The following KIF26A variants were observed in gnomAD, a reference collection of about 807,000 sequenced individuals.
KIF26A encodes kinesin family member 26A.
A neutral mutation model predicts 126.0 loss-of-function variants in KIF26A; 74 were observed. The observed-to-expected ratio is 0.59, with a 90% CI of 0.49 to 0.71. The LOEUF (loss-of-function observed/expected upper bound fraction) is 0.71. KIF26A is among the 30% of genes least tolerant of loss of function. KIF26A has a pLI of 0.00. For missense variants in KIF26A, 2,984 were observed against 2,763.3 expected, an observed-to-expected ratio of 1.08 and a Z score of -1.79; for synonymous variants, 1,445 against 1,232.7, an observed-to-expected ratio of 1.17 and a Z score of -3.61.
rs536806165 is a variant in KIF26A, at chr14:104,176,671, C to T, written c.3883C>T (p.Arg1295Cys). The change falls in exon 12 of 15, where the codon CGC becomes TGC. Residue 1295 changes from arginine to cysteine, a missense_variant. Coordinates refer to ENST00000423312, the MANE Select transcript of KIF26A (RefSeq NM_015656.2). Reference sequence around the variant, plus strand: ...GTGTGAGGTGGCAGCCAGGGCGGCCCGCAGGCCAGAGGCTGTGGCTCGGAT... The same window carrying T: ...GTGTGAGGTGGCAGCCAGGGCGGCCTGCAGGCCAGAGGCTGTGGCTCGGAT... The part of the protein sequence containing the change: ...DGCEVAARAA[R>C]RPEAVARIPP... 104 of 1,598,018 alleles carry T rather than the reference C, an allele frequency of 6.5e-5. No homozygotes were observed. In the South Asian group the frequency reaches 9.7e-4, roughly 15 times the overall value.
At chr14:104,149,322 C>T (rs980482702) in intron 2 of KIF26A, among the ~76,000 whole-genome samples, 4 of 152,122 alleles carry the variant, frequency 2.6e-5, no homozygotes, top group Admixed American at 6.5e-5. Context: ...GGGAGGGGTG[C>T]GTGGCCCACT....
Position 104,179,801 on chromosome 14 carries a change from C to CG in KIF26A, c.*13dup. ...GAGGTGGACGTCTGAGGCTGGGCGCCGGACAAGAGGAGGGGGCGTGCAGCG... is the reference window on the plus strand; with the variant it reads ...GAGGTGGACGTCTGAGGCTGGGCGCCGGGACAAGAGGAGGGGGCGTGCAGCG... On this transcript the variant is annotated 3_prime_UTR_variant, in exon 15 of 15. Transcript: ENST00000423312. 1 of 1,514,918 alleles carries CG rather than the reference C, an allele frequency of 6.6e-7. No homozygotes were observed. The highest frequency in any genetic ancestry group is 1.3e-5 in the South Asian group (1 of 78,930). The allele number at this position is 1,514,918 out of a possible 1,614,324, so 93.8% of individuals were successfully genotyped here. A position where few individuals can be genotyped will look rare whatever the true frequency, so the allele number is the denominator to read the frequency against.
intron 4 of KIF26A, among the ~76,000 whole-genome samples, chr14:104,162,716 C>CCTCT (rs2141104629): frequency 6.6e-6 from 1 of 152,130 alleles, no homozygotes; most frequent in East Asian, 1.9e-4. Flanking sequence ...GTGGGCGTGA[C>CCTCT]CTCTCCCCAT....
chr14:104,143,947 C>G (rs1596131374), intron 2 of KIF26A, among the ~76,000 whole-genome samples: 1 of 152,362 alleles, frequency 6.6e-6, no homozygotes, highest in East Asian at 1.9e-4. Flanking sequence ...CCAGGAAGGG[C>G]TCTGCTCGGG....
In KIF26A at chr14:104,152,150, C is replaced by G; in HGVS notation, c.424C>G (p.Leu142Val). 1 of 1,610,502 alleles carries G rather than the reference C, an allele frequency of 6.2e-7. No homozygotes were observed. Among genetic ancestry groups the G allele is most frequent in the Non-Finnish European group, 8.5e-7 (1 of 1,179,318 alleles). The change falls in exon 3 of 15, where the codon CTG (leucine) becomes GTG (valine). Residue 142 changes from leucine to valine, a missense_variant. Transcript: ENST00000423312. The surrounding 1 kb of genome is among the most constrained non-coding windows in gnomAD (Gnocchi z 5.9). The stretch of plus-strand genomic sequence containing the variant: ...GCAGCTCACACGGGAGGCCATGCAC[C>G]TGCTGCAGGCCCCTGCCAGCCATGA... The part of the protein sequence containing the change: ...LQQLTREAMH[L>V]LQAPASHEDL...
At position 104,152,153 on chromosome 14, in the gene KIF26A, C is replaced by T. The variant is rs2037735473; in HGVS notation, c.427C>T (p.Leu143=). 1.9e-6 allele frequency: 3 copies of T among 1,609,748 alleles called. No individual in the cohort carries two copies. Among genetic ancestry groups the T allele is most frequent in the Non-Finnish European group, 2.5e-6 (3 of 1,179,156 alleles). Residue 143 remains leucine (L), a synonymous_variant, in exon 3 of 15, where the codon CTG becomes TTG. Transcript: ENST00000423312. This position sits in a 1 kb window ranked among gnomAD's most constrained non-coding sequence, Gnocchi z 5.9. ...QQLTREAMHL[L]QAPASHEDLD... is the part of the protein sequence containing the mutation. Reference sequence around the variant, plus strand: ...GCTCACACGGGAGGCCATGCACCTGCTGCAGGCCCCTGCCAGCCATGAGGA... The same window carrying T: ...GCTCACACGGGAGGCCATGCACCTGTTGCAGGCCCCTGCCAGCCATGAGGA...
Position 104,173,186 on chromosome 14 carries a change from G to A in KIF26A, c.1630G>A (p.Asp544Asn), listed in dbSNP as rs766222885. The A allele has an allele frequency of 3.4e-5, 54 of 1,611,622 alleles. No individual in the cohort carries two copies. Among genetic ancestry groups the A allele is most frequent in the Non-Finnish European group, 4.2e-5 (49 of 1,179,472 alleles). ...LAEVAPGSLQ[D>N]TQSPGVYLRE... ...CGAGGTGGCCCCTGGCAGCCTCCAG[G>A]ACACCCAGTCTCCGGGAGTGTACCT... is the stretch of plus-strand genomic sequence containing the variant. The change falls in exon 8 of 15, where the codon GAC becomes AAC. Residue 544 changes from aspartate to asparagine, a missense_variant. Coordinates refer to ENST00000423312, the MANE Select transcript of KIF26A (RefSeq NM_015656.2).
rs1458090730 is a variant in KIF26A, at chr14:104,148,833, C to T, written c.289-3182C>T. 3.3e-5 allele frequency among the ~76,000 whole-genome samples: 5 copies of T among 152,176 alleles called. No homozygotes were observed. Among genetic ancestry groups the T allele is most frequent in the South Asian group, 4.1e-4 (2 of 4,832 alleles). On this transcript the variant is annotated intron_variant, in intron 2 of 14. Transcript: ENST00000423312. The surrounding 1 kb of genome is among the most constrained non-coding windows in gnomAD (Gnocchi z 4.3). ...CCCTGGGAGCCACCCATGTCAGCAG[C>T]GGCCTCCCTGAGCCCCTCCCTGGAG...
intron 2 of KIF26A, among the ~76,000 whole-genome samples, chr14:104,144,853 C>T (rs1350288087): frequency 4.6e-5 from 7 of 152,246 alleles, no homozygotes; most frequent in Non-Finnish European, 8.8e-5. Flanking sequence ...TAAAAGTGGA[C>T]TGACCGTGCC....
At position 104,166,981 on chromosome 14, in the gene KIF26A, C is replaced by G. The variant is rs1342359223; in HGVS notation, c.1046C>G (p.Pro349Arg). ...AGCGGGGTCCTGCAGCTGTGGCCGC[C>G]CCCGGCGCCCCCCTGCCTGCTCAGG... ...DFSGVLQLWP[P>R]PAPPCLLRAA... Residue 349 changes from proline (P) to arginine (R), a missense_variant, in exon 5 of 15, where the codon CCC (proline) becomes CGC (arginine). Pro to Arg is a moderately radical substitution (Grantham distance 103). Transcript: ENST00000423312. The G allele has an allele frequency of 6.3e-7, 1 of 1,583,588 alleles. No individual in the cohort carries two copies. Among genetic ancestry groups the G allele is most frequent in the Admixed American group, 1.8e-5 (1 of 55,906 alleles).
At chr14:104,162,136 C>T (rs1342038918) in intron 4 of KIF26A, among the ~76,000 whole-genome samples, 2 of 152,242 alleles carry the variant, frequency 1.3e-5, no homozygotes, top group Admixed American at 6.5e-5. Flanking sequence ...CTCGTTAATG[C>T]AGTGGCAGGT....
At chr14:104,142,886 C>T (rs1278319726) in intron 2 of KIF26A, among the ~76,000 whole-genome samples, 4 of 152,210 alleles carry the variant, frequency 2.6e-5, no homozygotes, top group East Asian at 1.9e-4. Context: ...TGGTCACCCC[C>T]GGGACTGCTG....
In KIF26A at chr14:104,175,797, T is replaced by C. The variant is rs1455809378; in HGVS notation, c.3009T>C (p.Ala1003=). Residue 1003 remains alanine, a synonymous_variant, in exon 12 of 15, where the codon GCT becomes GCC. Transcript: ENST00000423312. The part of the protein sequence containing the change: ...MLPGATCPRL[A]AGSRCPERGL... ...CTGGGGCCACCTGCCCCCGCCTGGCTGCTGGCAGTCGCTGTCCGGAGCGGG... is the reference window on the plus strand; with the variant it reads ...CTGGGGCCACCTGCCCCCGCCTGGCCGCTGGCAGTCGCTGTCCGGAGCGGG... 6.5e-7 allele frequency: 1 copy of C among 1,539,884 alleles called. No individual in the cohort carries two copies. Among genetic ancestry groups the C allele is most frequent in the Admixed American group, 2.0e-5 (1 of 51,098 alleles).
chr14:104,173,527 C>G lies in KIF26A; in HGVS notation c.1867+14C>G. ...GCCGGGGAGGAAGTAGGTGCCACAC[C>G]CGCACTCCCGGGCCCCTGTGGGATG... On this transcript the variant is annotated intron_variant, in intron 9 of 14. Transcript: ENST00000423312. The G allele has an allele frequency of 6.5e-7, 1 of 1,538,250 alleles. No individual in the cohort carries two copies.
At chr14:104,143,659 C>T (rs1433965179) in intron 2 of KIF26A, among the ~76,000 whole-genome samples, 1 of 152,234 alleles carries the variant, frequency 6.6e-6, no homozygotes, top group East Asian at 1.9e-4. Context: ...CCGAGTGGTC[C>T]CATGACGGAT....
chr14:104,141,305 G>C (rs1344390697), intron 2 of KIF26A, among the ~76,000 whole-genome samples: 2 of 152,236 alleles, frequency 1.3e-5, no homozygotes, highest in Non-Finnish European at 2.9e-5. Context: ...ATTTAGGGTT[G>C]GTGTTCTAGG....
intron 4 of KIF26A, among the ~76,000 whole-genome samples, chr14:104,159,864 C>T (rs566592897): frequency 2.1e-5 from 3 of 144,154 alleles, no homozygotes; most frequent in African/African-American, 7.8e-5. Context: ...GTACCCTGAA[C>T]CCTCAGGGGT....
Position 104,151,857 on chromosome 14 carries a change from T to C in KIF26A, c.289-158T>C, listed in dbSNP as rs1226457027. Among the ~76,000 whole-genome samples the C allele has an allele frequency of 6.6e-6, 1 of 152,172 alleles. No homozygotes were observed. The highest frequency in any genetic ancestry group is 1.5e-5 in the Non-Finnish European group (1 of 68,034). On this transcript the variant is annotated intron_variant, in intron 2 of 14. Transcript: ENST00000423312. This position sits in a 1 kb window ranked among gnomAD's most constrained non-coding sequence, Gnocchi z 4.9. ...GATCATTATTTTCCTGCTGGGCTTGTGTGGGTGAAAGTGTTTGGGCTTATT... is the reference window on the plus strand; with the variant it reads ...GATCATTATTTTCCTGCTGGGCTTGCGTGGGTGAAAGTGTTTGGGCTTATT...
chr14:104,152,493 T>C lies in KIF26A; in HGVS notation c.735+32T>C, dbSNP rs1345151800. The C allele has an allele frequency of 6.6e-6, 10 of 1,509,484 alleles. No individual in the cohort carries two copies. 93.5% of individuals were successfully genotyped at this position (1,509,484 alleles called of 1,614,324 possible). A position where few individuals can be genotyped will look rare whatever the true frequency, so the allele number is the denominator to read the frequency against. On this transcript the variant is annotated intron_variant, in intron 3 of 14. Transcript: ENST00000423312. The surrounding 1 kb of genome is among the most constrained non-coding windows in gnomAD (Gnocchi z 5.9). ...GTCTTGCTCAGCGGATGGGAGCTGC[T>C]GGCCTCCTTGTCAGAACTGGGCTTC...
Sources: allele counts gnomAD v4.1 joint callset (sites outside exome capture counted in the v4.1 genomes callset), GRCh38; gene constraint gnomAD v4.1.1; non-coding constraint Gnocchi (gnomAD v3.1); transcripts MANE v1.5; gene names NCBI Gene and HGNC (gene_info 2026-07-23, HGNC 2026-07-21).